Variants in CUX1 observed in about 807,000 individuals in gnomAD.
CUX1 encodes the protein protein CASP.
In CUX1, 31 loss-of-function variants were observed where a neutral mutation model predicts 158.8. The ratio of observed to expected loss-of-function variants is 0.20; its 90% CI spans 0.15 to 0.26. CUX1 has a LOEUF of 0.26. CUX1 is among the 10% of genes least tolerant of loss of function. The pLI, the probability that CUX1 is intolerant of heterozygous loss-of-function variation, is 1.00. For synonymous variants in CUX1, 879 were observed against 862.1 expected (o/e 1.02, Z -0.34); for missense variants, 1,589 against 2,014.6 (o/e 0.79, Z 4.04).
In CUX1 at chr7:102,256,671, G is replaced by A. The variant is rs1314832890; in HGVS notation, c.*7629G>A. ...CTGAGTTGAAGAATGCTCGCTTGAGGAGCTTCAGAGGAATCTTAGCAAAGC... is the reference window on the plus strand; with the variant it reads ...CTGAGTTGAAGAATGCTCGCTTGAGAAGCTTCAGAGGAATCTTAGCAAAGC... On this transcript the variant is annotated 3_prime_UTR_variant, in exon 24 of 24. Coordinates refer to ENST00000292535, the MANE Select transcript of CUX1 (RefSeq NM_181552.4). The A allele has an allele frequency of 2.0e-6, 2 of 985,308 alleles. No individual in the cohort carries two copies. Among genetic ancestry groups the A allele is most frequent in the South Asian group, 4.7e-5 (1 of 21,292 alleles). The allele number at this position is 985,308 out of a possible 1,614,324, so 61.0% of individuals were successfully genotyped here.
At chr7:102,073,077 G>A (rs1016644675) in intron 4 of CUX1, among the ~76,000 whole-genome samples, 2 of 151,352 alleles carry the variant, frequency 1.3e-5, no homozygotes, top group South Asian at 2.1e-4. Flanking sequence ...TGATTTAGTC[G>A]GAAGAAGACT....
rs781983952 is a variant in CUX1 at position 102,248,405 on chromosome 7, C to T, written c.3888-7C>T. Reference sequence around the variant, plus strand: ...CCCTCACGTCCCCGCCGCTTGTTGTCTTGTAGGTCTCGGATCCGCAGAGAA... The same window carrying T: ...CCCTCACGTCCCCGCCGCTTGTTGTTTTGTAGGTCTCGGATCCGCAGAGAA... On this transcript the variant is annotated splice_region_variant and splice_polypyrimidine_tract_variant and intron_variant, in intron 23 of 23. Transcript: ENST00000292535. This position sits in a 1 kb window ranked among gnomAD's most constrained non-coding sequence, Gnocchi z 5.8. 6 of 1,586,438 alleles carry T rather than the reference C, an allele frequency of 3.8e-6. No individual in the cohort carries two copies. In the Admixed American group the frequency reaches 1.0e-4, roughly 27 times the overall value.
rs193190998 is a variant in CUX1 at position 101,906,078 on chromosome 7, G to A, written c.31-10037G>A. 5.1e-3 allele frequency among the ~76,000 whole-genome samples: 773 copies of A among 151,586 alleles called. 1 individual carries two copies. The highest frequency in any genetic ancestry group is 0.014 in the Admixed American group (207 of 15,194). On this transcript the variant is annotated intron_variant, in intron 1 of 23. Transcript: ENST00000292535. ...TGGGCTCAAGTGATCCCCCCACCTC[G>A]GCCTTCCAAAGTGTTGGGATTACAG...
intron 2 of CUX1, among the ~76,000 whole-genome samples, chr7:102,010,510 G>A (rs2129294719): frequency 6.6e-6 from 1 of 152,082 alleles, no homozygotes; most frequent in East Asian, 1.9e-4. Flanking sequence ...ATTCGTGATT[G>A]GGCCTCTCTT....
At chr7:101,941,858 A>C (rs1051237123) in intron 2 of CUX1, among the ~76,000 whole-genome samples, 2 of 152,222 alleles carry the variant, frequency 1.3e-5, no homozygotes, top group Non-Finnish European at 1.5e-5. Flanking sequence ...CCTTGATTGC[A>C]AACCTGAAAA....
intron 2 of CUX1, among the ~76,000 whole-genome samples, chr7:101,946,133 A>G (rs1264389849): frequency 6.6e-6 from 1 of 152,194 alleles, no homozygotes; most frequent in East Asian, 1.9e-4. Flanking sequence ...GGACAGACAG[A>G]GTAGAAGAAC....
At chr7:101,848,734 G>A (rs187312785) in intron 1 of CUX1, among the ~76,000 whole-genome samples, 6 of 151,956 alleles carry the variant, frequency 3.9e-5, no homozygotes, top group Admixed American at 2.0e-4. Context: ...AAGTGTGGCC[G>A]GGTGCGGTGG....
intron 3 of CUX1, among the ~76,000 whole-genome samples, chr7:102,030,169 G>A (rs1277428230): frequency 2.0e-5 from 3 of 152,080 alleles, no homozygotes; most frequent in Non-Finnish European, 2.9e-5. Flanking sequence ...GTGCCACCAC[G>A]CTCAGCTGAG....
At chr7:102,111,210 A>G (rs1830846726) in intron 6 of CUX1, among the ~76,000 whole-genome samples, 2 of 152,122 alleles carry the variant, frequency 1.3e-5, no homozygotes, top group African/African-American at 4.8e-5. Flanking sequence ...GCGAGCATTC[A>G]CAATGTCCCC....
At chr7:102,096,687 C>T (rs1829229830) in intron 4 of CUX1, among the ~76,000 whole-genome samples, 1 of 152,174 alleles carries the variant, frequency 6.6e-6, no homozygotes, top group Non-Finnish European at 1.5e-5. Context: ...GCCTGGGCGA[C>T]AGAGTGAGAC....
In CUX1 at chr7:102,248,724, G is replaced by T; in HGVS notation, c.4200G>T (p.Gly1400=). Residue 1400 remains glycine (G), a synonymous_variant, in exon 24 of 24, where the codon GGG becomes GGT. Transcript: ENST00000292535. This position sits in a 1 kb window ranked among gnomAD's most constrained non-coding sequence, Gnocchi z 5.8. ...DHEGGPVEGP[G]PLPSPASATA... is the part of the protein sequence containing the mutation. ...AGGGAGGCCCCGTGGAAGGCCCGGG[G>T]CCCCTGCCCAGCCCCGCCTCCGCGA... 2 of 1,153,124 alleles carry T rather than the reference G, an allele frequency of 1.7e-6. No individual in the cohort carries two copies. Among genetic ancestry groups the T allele is most frequent in the South Asian group, 2.8e-5 (1 of 36,234 alleles). The allele number at this position is 1,153,124 out of a possible 1,614,324, so 71.4% of individuals were successfully genotyped here. A position where few individuals can be genotyped will look rare whatever the true frequency, so the allele number is the denominator to read the frequency against.
chr7:102,070,205 C>CT (rs1373521118), intron 3 of CUX1, 134 bp from the exon 4 acceptor site: 2 of 699,322 alleles, frequency 2.9e-6, no homozygotes, highest in Non-Finnish European at 4.8e-6. Context: ...GGCATTTCCT[C>CT]TAAGAGGCTG....
chr7:102,159,278 G>GTGTTATCCTAGGAGAGTTCCTTACCA (rs1790140939), intron 9 of CUX1, among the ~76,000 whole-genome samples: 1 of 151,908 alleles, frequency 6.6e-6, no homozygotes, highest in Admixed American at 6.5e-5. Flanking sequence ...GTTCCTTACC[G>GTGTTATCCTAGGAGAGTTCCTTACCA]CCACGTTCTC....
Position 102,238,625 on chromosome 7 carries a change from T to G in CUX1, c.3623-695T>G, listed in dbSNP as rs188507916. Among the ~76,000 whole-genome samples the G allele has an allele frequency of 8.4e-4, 128 of 152,322 alleles. 1 individual carries two copies. In the East Asian group the frequency reaches 0.02, roughly 24 times the overall value. ...CAGCTTGTGTCCTCGGTCTCTTGCC[T>G]CGGTACCTGGGTGGCTTGCCGCCCA... On this transcript the variant is annotated intron_variant, in intron 22 of 23. Transcript: ENST00000292535.
At chr7:101,864,875 T>C (rs1797787380) in intron 1 of CUX1, among the ~76,000 whole-genome samples, 1 of 152,236 alleles carries the variant, frequency 6.6e-6, no homozygotes, top group African/African-American at 2.4e-5. Context: ...TTTTAATACT[T>C]ATTTAAGCTT....
rs78359248 is a variant in CUX1, at chr7:102,201,025, TAA to T, written c.2063-307_2063-306del. Among the ~76,000 whole-genome samples, 10 of 42,140 alleles carry T rather than the reference TAA, an allele frequency of 2.4e-4. No individual in the cohort carries two copies. The highest frequency in any genetic ancestry group is 8.1e-4 in the East Asian group (1 of 1,238). The allele number at this position is 42,140 out of a possible 152,430, so 27.6% of individuals were successfully genotyped here. On this transcript the variant is annotated intron_variant, in intron 17 of 23. Transcript: ENST00000292535. This position sits in a 1 kb window ranked among gnomAD's most constrained non-coding sequence, Gnocchi z 5.0. Reference sequence around the variant, plus strand: ...CTGGACAACAGCGAGATCCTGTCGCTAAAAAAAAAAAAAAAAAAAAAAAAAAA... The same window carrying T: ...CTGGACAACAGCGAGATCCTGTCGCTAAAAAAAAAAAAAAAAAAAAAAAAA...
At chr7:102,234,948 T>G (rs1799391508) in intron 22 of CUX1, among the ~76,000 whole-genome samples, 1 of 151,478 alleles carries the variant, frequency 6.6e-6, no homozygotes, top group Non-Finnish European at 1.5e-5. Context: ...ATTTTGTAGA[T>G]CAGGAAACAG....
chr7:102,160,000 G>A lies in CUX1; in HGVS notation c.723+1392G>A, dbSNP rs191381378. Among the ~76,000 whole-genome samples the A allele has an allele frequency of 3.0e-3, 450 of 152,216 alleles. 4 individuals are homozygous for A. Among genetic ancestry groups the A allele is most frequent in the African/African-American group, 0.011 (437 of 41,538 alleles). On this transcript the variant is annotated intron_variant, in intron 9 of 23. Coordinates refer to ENST00000292535, the MANE Select transcript of CUX1 (RefSeq NM_181552.4). ...GTTTGAGGCCAGCCTGGCCAACATG[G>A]TGAAGCCCCATCTCTGCTAAAAATA...
intron 4 of CUX1, among the ~76,000 whole-genome samples, chr7:102,082,133 TGCACTCACA>T (rs1554478979): frequency 6.8e-6 from 1 of 147,180 alleles, no homozygotes; most frequent in Non-Finnish European, 1.5e-5. Context: ...GTCACCTCAC[TGCACTCACA>T]CCTCCACCTA....
Sources: gnomAD v4.1 joint callset for allele counts (sites outside exome capture counted in the v4.1 genomes callset) on GRCh38, gnomAD v4.1.1 for gene constraint, Gnocchi (gnomAD v3.1) non-coding constraint, MANE v1.5 for transcripts, NCBI Gene and HGNC (gene_info 2026-07-23, HGNC 2026-07-21) for gene names.